Variants in COL4A5 observed in about 807,000 individuals in gnomAD.
COL4A5 encodes the protein collagen type IV alpha 5 chain.
Under a neutral mutation model 130.2 loss-of-function variants are expected in COL4A5, and 26 were observed. The ratio of observed to expected loss-of-function variants is 0.20; its 90% confidence interval spans 0.15 to 0.28. COL4A5 has a LOEUF of 0.28. Among genes scored for constraint, COL4A5 ranks in the 10% least tolerant of loss-of-function variants. The pLI, the probability that COL4A5 is intolerant of heterozygous loss-of-function variation, is 1.00. For synonymous variants in COL4A5, 496 were observed against 439.6 expected (o/e 1.13, Z -1.60); for missense variants, 1,131 against 1,344.3 (o/e 0.84, Z 2.48).
intron 1 of COL4A5, among the ~76,000 whole-genome samples, chrX:108,476,519 C>CT (rs55972915): frequency 0.016 from 881 of 55,842 alleles, 16 homozygotes; most frequent in Middle Eastern, 0.048. Context: ...TCTAACTGTT[C>CT]TTTTTTTTTT....
chrX:108,465,039 G>A (rs2064691371), intron 1 of COL4A5, among the ~76,000 whole-genome samples: 1 of 111,792 alleles, frequency 8.9e-6, no homozygotes, highest in African/African-American at 3.3e-5. Context: ...AGTTCCGTTT[G>A]TTTTTCTTCC....
chrX:108,692,466 T>C (rs1247807750), intron 49 of COL4A5, among the ~76,000 whole-genome samples: 1 of 111,515 alleles, frequency 9.0e-6, no homozygotes, highest in Non-Finnish European at 1.9e-5. Context: ...CTAAATATCC[T>C]CCATAAGACA....
Position 108,626,359 on chromosome X carries a change from G to A in COL4A5, c.3246+10G>A, listed in dbSNP as rs376297227. On this transcript the variant is annotated intron_variant, in intron 36 of 52. Transcript: ENST00000328300. ...TCTTCCTGGTCCAAAGGTAATCTTTGGCATATAGTTTTAGGCACATACTTG... is the reference window on the plus strand; with the variant it reads ...TCTTCCTGGTCCAAAGGTAATCTTTAGCATATAGTTTTAGGCACATACTTG... 1 of 1,208,097 alleles carries A rather than the reference G, an allele frequency of 8.3e-7. No individual in the cohort carries two copies. Among genetic ancestry groups the A allele is most frequent in the Non-Finnish European group, 1.1e-6 (1 of 894,370 alleles).
chrX:108,495,910 G>A (rs1684149509), intron 1 of COL4A5, among the ~76,000 whole-genome samples: 1 of 112,418 alleles, frequency 8.9e-6, no homozygotes, highest in African/African-American at 3.2e-5. Flanking sequence ...TCTGCCAGTA[G>A]CAGAGACCAA....
intron 30 of COL4A5, among the ~76,000 whole-genome samples, chrX:108,618,627 T>C (rs912386853): frequency 8.9e-6 from 1 of 111,780 alleles, no homozygotes; most frequent in African/African-American, 3.2e-5. Context: ...ATAAGTTTTT[T>C]CACTCATTTC....
chrX:108,508,995 G>A (rs1381352230), intron 1 of COL4A5, among the ~76,000 whole-genome samples: 2 of 111,997 alleles, frequency 1.8e-5, no homozygotes, highest in Admixed American at 9.4e-5. Context: ...CTGGACATGG[G>A]CATGGGCAAA....
intron 2 of COL4A5, among the ~76,000 whole-genome samples, chrX:108,544,122 C>G (rs967252384): frequency 3.6e-5 from 4 of 111,729 alleles, no homozygotes; most frequent in Non-Finnish European, 7.5e-5. Flanking sequence ...CCTGATTGCC[C>G]TGGCCAGAAC....
rs1021135746 is a variant in COL4A5, at chrX:108,622,902, C to T, written c.2917+77C>T. ...AATTTTTAAATAGCATGAAAAGTGACTTATAATACAGAATTCACCAACAAA... is the reference window on the plus strand; with the variant it reads ...AATTTTTAAATAGCATGAAAAGTGATTTATAATACAGAATTCACCAACAAA... On this transcript the variant is annotated intron_variant, in intron 33 of 52. Coordinates refer to ENST00000328300, the MANE Select transcript of COL4A5 (RefSeq NM_033380.3). 3.0e-6 allele frequency: 3 copies of T among 984,087 alleles called. No individual in the cohort carries two copies. In the African/African-American group the frequency reaches 5.8e-5, roughly 19 times the overall value. The allele number at this position is 984,087 out of a possible 1,213,427, so 81.1% of individuals were successfully genotyped here.
rs778378377 is a variant in COL4A5 at position 108,637,472 on chromosome X, T to TA, written c.3246+11130dup. ...AGCAGAGATAAATAAAATACAGAAC[T>TA]AAAAAAATCATAGATGAAGTCAACA... On this transcript the variant is annotated intron_variant, in intron 36 of 52. Transcript: ENST00000328300. Among the ~76,000 whole-genome samples, 5 of 110,446 alleles carry TA rather than the reference T, an allele frequency of 4.5e-5. No individual in the cohort carries two copies. The East Asian group carries it at 1.4e-3, about 32-fold the overall frequency.
intron 1 of COL4A5, among the ~76,000 whole-genome samples, chrX:108,532,705 C>T (rs1056453240): frequency 1.8e-5 from 2 of 111,387 alleles, no homozygotes; most frequent in African/African-American, 6.5e-5. Context: ...TTGCAGGATA[C>T]AAAATCAATG....
chrX:108,588,931 T>TCAGACTG (rs1314081307), intron 19 of COL4A5, among the ~76,000 whole-genome samples: 1 of 111,369 alleles, frequency 9.0e-6, no homozygotes, highest in Non-Finnish European at 1.9e-5. Context: ...TTTAACACCT[T>TCAGACTG]CAGACTGTCT....
chrX:108,563,438 A>G (rs1280127110), intron 3 of COL4A5, among the ~76,000 whole-genome samples: 1 of 111,670 alleles, frequency 9.0e-6, no homozygotes, highest in Non-Finnish European at 1.9e-5. Context: ...AGAGGTTTGA[A>G]AACAGCAAAT....
At chrX:108,592,419 T>G (rs1458679127) in intron 21 of COL4A5, among the ~76,000 whole-genome samples, 1 of 111,392 alleles carries the variant, frequency 9.0e-6, no homozygotes, top group African/African-American at 3.3e-5. Flanking sequence ...TTTTCACCTA[T>G]CTAAAAAAAT....
Position 108,694,706 on chromosome X carries a change from T to C in COL4A5, c.4707-101T>C. On this transcript the variant is annotated intron_variant, in intron 50 of 52. Coordinates refer to ENST00000328300, the MANE Select transcript of COL4A5 (RefSeq NM_033380.3). Reference sequence around the variant, plus strand: ...CCTTTTGTGATCATTGAAAGAGACATTAATCGGCTTCCATACTAAGAAGGC... The same window carrying C: ...CCTTTTGTGATCATTGAAAGAGACACTAATCGGCTTCCATACTAAGAAGGC... The C allele has an allele frequency of 4.8e-6, 3 of 619,946 alleles. No homozygotes were observed. In the South Asian group the frequency reaches 6.8e-5, roughly 14 times the overall value. 51.1% of individuals were successfully genotyped at this position (619,946 alleles called of 1,213,427 possible).
chrX:108,661,047 G>T (rs1426090526), intron 37 of COL4A5, among the ~76,000 whole-genome samples: 1 of 112,119 alleles, frequency 8.9e-6, no homozygotes, highest in Admixed American at 9.5e-5. Flanking sequence ...TACATGCTAT[G>T]TAGGTTTGTA....
chrX:108,649,185 T>A (rs2067670253), intron 36 of COL4A5, among the ~76,000 whole-genome samples: 1 of 111,118 alleles, frequency 9.0e-6, no homozygotes. Context: ...TACTTGGGAA[T>A]AGACCTAACC....
At chrX:108,507,244 C>CA (rs2065133473) in intron 1 of COL4A5, among the ~76,000 whole-genome samples, 1 of 66,067 alleles carries the variant, frequency 1.5e-5, no homozygotes. Flanking sequence ...ACAACAACAA[C>CA]AACAAAAAAA....
chrX:108,694,422 T>C, intron 50 of COL4A5: 1 of 213,029 alleles, frequency 4.7e-6, no homozygotes, highest in South Asian at 7.1e-5. Context: ...ACATTGTTCT[T>C]ACCACAGTTT....
At chrX:108,679,475 A>G (rs1226735176) in intron 44 of COL4A5, among the ~76,000 whole-genome samples, 2 of 111,443 alleles carry the variant, frequency 1.8e-5, no homozygotes, top group Non-Finnish European at 3.8e-5. Flanking sequence ...CAATTTCTAA[A>G]CTATCATTAC....
Sources: allele counts gnomAD v4.1 joint callset (sites outside exome capture counted in the v4.1 genomes callset), GRCh38; gene constraint gnomAD v4.1.1; transcripts MANE v1.5; gene names NCBI Gene and HGNC (gene_info 2026-07-23, HGNC 2026-07-21).